The following PARVB variants were observed in gnomAD, a reference collection of about 807,000 sequenced individuals.
The protein encoded by PARVB is parvin beta.
A neutral mutation model predicts 47.0 loss-of-function variants in PARVB; 46 were observed. That is an observed-to-expected ratio of 0.98 (90% CI 0.77 to 1.25). The LOEUF is 1.25. PARVB is among the 50% of genes most tolerant of loss of function. The pLI, the probability that PARVB is intolerant of heterozygous loss-of-function variation, is 0.00. For synonymous variants in PARVB, 196 were observed against 196.3 expected (o/e 1.00, Z 0.01); for missense variants, 473 against 471.6 (o/e 1.00, Z -0.03).
chr22:44,120,223 A>C (rs6006658), intron 4 of PARVB, among the ~76,000 whole-genome samples: 2,276 of 152,240 alleles, frequency 0.015, 59 homozygotes, highest in African/African-American at 0.052. Context: ...TGGTTCTCAC[A>C]ACAGCCCTGG....
chr22:44,061,042 T>G (rs772450649), intron 1 of PARVB, among the ~76,000 whole-genome samples: 1 of 152,224 alleles, frequency 6.6e-6, no homozygotes, highest in African/African-American at 2.4e-5. Flanking sequence ...ATGAAGCTTC[T>G]CTGACCTGTG....
At chr22:44,056,286 G>T (rs972895722) in intron 1 of PARVB, among the ~76,000 whole-genome samples, 2 of 152,210 alleles carry the variant, frequency 1.3e-5, no homozygotes, top group Non-Finnish European at 1.5e-5. Context: ...CCTGGGAGGG[G>T]TGATTCTGTG....
At chr22:44,109,544 C>T (rs1049224924) in intron 3 of PARVB, 4 of 152,160 alleles carry the variant, frequency 2.6e-5, no homozygotes, top group Non-Finnish European at 4.4e-5. Context: ...CTGGGAAGTA[C>T]AGTGGCAGCG....
chr22:44,115,909 AC>A (rs2052884191), intron 3 of PARVB: 1 of 151,628 alleles, frequency 6.6e-6, no homozygotes, highest in Middle Eastern at 3.2e-3. Flanking sequence ...AAGGCCCTGC[AC>A]CAACACAGAT....
At chr22:44,161,287 C>T (rs1371529448) in intron 11 of PARVB, among the ~76,000 whole-genome samples, 2 of 150,516 alleles carry the variant, frequency 1.3e-5, no homozygotes, top group South Asian at 4.2e-4. Flanking sequence ...GCCTGTGAGC[C>T]CCGTGCCTTG....
upstream of PARVB, among the ~76,000 whole-genome samples, chr22:44,022,175 C>T (rs2050657992): frequency 6.6e-6 from 1 of 152,118 alleles, no homozygotes; most frequent in African/African-American, 2.4e-5. Context: ...CTTGTTATTT[C>T]TCTCCAAACT....
chr22:44,151,895 G>A (rs1360511915), intron 10 of PARVB: 1 of 263,068 alleles, frequency 3.8e-6, no homozygotes, highest in African/African-American at 2.2e-5. Flanking sequence ...AGCTTCTGTG[G>A]TTTTGCCAGG....
At chr22:44,055,678 C>CTCTCTCTCTCTCTATATATATATATA (rs1438284048) in intron 1 of PARVB, among the ~76,000 whole-genome samples, 5 of 142,762 alleles carry the variant, frequency 3.5e-5, no homozygotes, top group African/African-American at 1.3e-4. Flanking sequence ...CTCTCTCTCT[C>CTCTCTCTCTCTCTATATATATATATA]TATATATATA....
intron 2 of PARVB, among the ~76,000 whole-genome samples, chr22:44,094,352 A>G (rs56777448): frequency 0.075 from 11,393 of 151,906 alleles, 440 homozygotes; most frequent in Middle Eastern, 0.11. Flanking sequence ...GGGCCATGCC[A>G]TGCCACGCCA....
rs1026478160 is a variant in PARVB at position 43,999,770 on chromosome 22, G to A, written c.211+97G>A. The stretch of plus-strand genomic sequence containing the variant: ...GCACTTTGGGAGGCTGAGGAGGGAG[G>A]ATTGTTGCTTGAGCCCAGGAATTTG... On this transcript the variant is annotated intron_variant, in intron 2 of 13. Coordinates refer to the PARVB transcript ENST00000406477. 6.2e-6 allele frequency: 4 copies of A among 643,362 alleles called. No individual in the cohort carries two copies. The African/African-American group carries it at 7.6e-5, about 12-fold the overall frequency. 39.9% of individuals were successfully genotyped at this position (643,362 alleles called of 1,614,324 possible). A position where few individuals can be genotyped will look rare whatever the true frequency, so the allele number is the denominator to read the frequency against.
chr22:44,131,411 G>A (rs2053315555), intron 4 of PARVB, 76 bp from the exon 5 acceptor site: 2 of 1,525,502 alleles, frequency 1.3e-6, no homozygotes, highest in African/African-American at 1.4e-5. Context: ...CAAACTGCTG[G>A]GATTACAGGC....
chr22:44,018,060 C>T (rs543277553), intron 2 of PARVB, among the ~76,000 whole-genome samples: 33 of 152,224 alleles, frequency 2.2e-4, no homozygotes, highest in African/African-American at 6.7e-4. Flanking sequence ...AGAGAGTACC[C>T]GGATCTCTGT....
chr22:44,044,074 A>G (rs1303835234), intron 1 of PARVB, among the ~76,000 whole-genome samples: 1 of 152,204 alleles, frequency 6.6e-6, no homozygotes, highest in Non-Finnish European at 1.5e-5. Flanking sequence ...AAACCCCCAG[A>G]AATTGTGTGC....
chr22:44,020,696 G>T (rs572876275), upstream of PARVB, among the ~76,000 whole-genome samples: 4 of 152,156 alleles, frequency 2.6e-5, no homozygotes, highest in African/African-American at 9.7e-5. Flanking sequence ...TGGAGGAGGG[G>T]CATTAAGCTT....
At chr22:44,064,419 C>T (rs1005123796) in intron 1 of PARVB, among the ~76,000 whole-genome samples, 19 of 152,056 alleles carry the variant, frequency 1.2e-4, no homozygotes, top group African/African-American at 3.6e-4. Context: ...AGGGCCTGGC[C>T]GAGTTCCCCA....
chr22:44,064,538 G>A (rs912492136), intron 1 of PARVB, among the ~76,000 whole-genome samples: 1 of 152,134 alleles, frequency 6.6e-6, no homozygotes, highest in East Asian at 1.9e-4. Flanking sequence ...GAGGTCGTTG[G>A]CCTTAAGACA....
chr22:44,042,412 C>T (rs2051036113), intron 1 of PARVB, among the ~76,000 whole-genome samples: 1 of 152,178 alleles, frequency 6.6e-6, no homozygotes, highest in South Asian at 2.1e-4. Context: ...CAGAGCGAGA[C>T]TCCGAAGTGA....
chr22:44,101,807 T>G (rs1423037484), intron 3 of PARVB, among the ~76,000 whole-genome samples: 1 of 152,162 alleles, frequency 6.6e-6, no homozygotes, highest in Non-Finnish European at 1.5e-5. Flanking sequence ...CCAAAGATGT[T>G]GATTATTAAT....
rs369660782 is a variant in PARVB at position 44,133,059 on chromosome 22, A to G, written c.633+50A>G. 3.0e-5 allele frequency: 39 copies of G among 1,287,700 alleles called. 1 individual carries two copies. The Middle Eastern group carries it at 8.2e-4, about 27-fold the overall frequency. The allele number at this position is 1,287,700 out of a possible 1,614,324, so 79.8% of individuals were successfully genotyped here. A position where few individuals can be genotyped will look rare whatever the true frequency, so the allele number is the denominator to read the frequency against. On this transcript the variant is annotated intron_variant, in intron 6 of 12. Transcript: ENST00000338758. ...TGCCTGTAACTCCGCCAGAGAGGCA[A>G]CATCTTCCTCCTGCAGTTTTCCTGC...
Sources: allele counts gnomAD v4.1 joint callset (sites outside exome capture counted in the v4.1 genomes callset), GRCh38; gene constraint gnomAD v4.1.1; transcripts MANE v1.5; gene names NCBI Gene and HGNC (gene_info 2026-07-23, HGNC 2026-07-21).